The following SLIT3 variants were observed in gnomAD, a reference collection of about 807,000 sequenced individuals.
SLIT3 encodes the protein slit homolog 3 protein.
SLIT3 carries 68 observed loss-of-function variants against 184.0 expected under a neutral mutation model. The observed-to-expected ratio is 0.37, with a 90% confidence interval of 0.30 to 0.45. The LOEUF (loss-of-function observed/expected upper bound fraction) is 0.45, where lower values mean the gene tolerates loss of function less well. Ranked by LOEUF, SLIT3 falls within the 20% of genes least tolerant of loss-of-function variation. The pLI is 1.00. For missense variants in SLIT3, 1,707 were observed against 2,026.0 expected (o/e 0.84, Z 3.02); for synonymous variants, 831 against 828.6 (o/e 1.00, Z -0.05).
chr5:168,925,640 G>A (rs1401444185), intron 4 of SLIT3, among the ~76,000 whole-genome samples: 2 of 150,502 alleles, frequency 1.3e-5, no homozygotes, highest in African/African-American at 4.9e-5. Context: ...TATTGAGTAA[G>A]GCAATCTGTA....
chr5:168,708,409 A>C (rs1762442119), intron 25 of SLIT3: 5 of 411,306 alleles, frequency 1.2e-5, no homozygotes, highest in South Asian at 1.1e-4. Flanking sequence ...ATAATTAGAA[A>C]CCCCCTGTGT....
chr5:168,808,895 C>T (rs991903127), intron 8 of SLIT3, among the ~76,000 whole-genome samples: 13 of 152,164 alleles, frequency 8.5e-5, no homozygotes, highest in Admixed American at 5.9e-4. Flanking sequence ...TGGCCTTCCA[C>T]ATCAAAAGGA....
intron 5 of SLIT3, among the ~76,000 whole-genome samples, chr5:168,872,234 T>A (rs148268452): frequency 7.0e-4 from 106 of 152,082 alleles, no homozygotes; most frequent in African/African-American, 2.5e-3. Flanking sequence ...CACTTGAGGG[T>A]TTGGGGGAAT....
chr5:169,072,914 G>T (rs150597079), intron 4 of SLIT3, among the ~76,000 whole-genome samples: 1 of 152,116 alleles, frequency 6.6e-6, no homozygotes, highest in Non-Finnish European at 1.5e-5. Flanking sequence ...AAGGTTGCCC[G>T]CCACTTGCTG....
intron 4 of SLIT3, among the ~76,000 whole-genome samples, chr5:169,125,129 C>T (rs865816501): frequency 6.6e-6 from 1 of 152,110 alleles, no homozygotes; most frequent in Non-Finnish European, 1.5e-5. Flanking sequence ...CTCACTGCAA[C>T]CTCCGACTGC....
rs182528926 is a variant in SLIT3, at chr5:169,000,821, C to T, written c.414-117485G>A. On this transcript the variant is annotated intron_variant, in intron 4 of 35. Coordinates refer to ENST00000519560, the MANE Select transcript of SLIT3 (RefSeq NM_003062.4). ...GGGCTGGCTATTCAATTACAACTGA[C>T]CCGACAACCTATTCTTGAAGCATTA... 5.3e-5 allele frequency among the ~76,000 whole-genome samples: 8 copies of T among 152,276 alleles called. No individual in the cohort carries two copies. The East Asian group carries it at 1.5e-3, about 29-fold the overall frequency.
At chr5:169,282,940 T>C (rs1021898042) in intron 1 of SLIT3, among the ~76,000 whole-genome samples, 8 of 152,276 alleles carry the variant, frequency 5.3e-5, no homozygotes, top group Admixed American at 2.0e-4. Context: ...TAAATCACAC[T>C]CTCTGGGGAT....
chr5:169,075,076 A>T (rs184433035), intron 4 of SLIT3, among the ~76,000 whole-genome samples: 1 of 152,072 alleles, frequency 6.6e-6, no homozygotes, highest in Admixed American at 6.5e-5. Flanking sequence ...CAAGAAGGAG[A>T]GTCAGATATA....
chr5:169,100,122 T>C (rs1032420383), intron 4 of SLIT3, among the ~76,000 whole-genome samples: 2 of 152,264 alleles, frequency 1.3e-5, no homozygotes, highest in Admixed American at 1.3e-4. Context: ...GAGTAGAGTG[T>C]GTGGTCTATA....
At position 168,844,850 on chromosome 5, in the gene SLIT3, C is replaced by T. The variant is rs184048309; in HGVS notation, c.486-195G>A. The T allele has an allele frequency of 3.9e-3, 2,154 of 545,544 alleles. 14 individuals are homozygous for T. Among genetic ancestry groups the T allele is most frequent in the Admixed American group, 6.9e-3 (223 of 32,108 alleles). 33.8% of individuals were successfully genotyped at this position (545,544 alleles called of 1,614,324 possible). A position where few individuals can be genotyped will look rare whatever the true frequency, so the allele number is the denominator to read the frequency against. On this transcript the variant is annotated intron_variant, in intron 5 of 35. Transcript: ENST00000519560. ...TGACTGTCTGAGAGAACTACACAGACGAGCGCACCAAAAGGCTGTCAGGTC... is the reference window on the plus strand; with the variant it reads ...TGACTGTCTGAGAGAACTACACAGATGAGCGCACCAAAAGGCTGTCAGGTC...
At chr5:169,004,168 A>AC (rs1486116375) in intron 4 of SLIT3, among the ~76,000 whole-genome samples, 7 of 152,068 alleles carry the variant, frequency 4.6e-5, no homozygotes, top group Non-Finnish European at 8.8e-5. Context: ...GGAAAAAAAA[A>AC]ACACACACAC....
chr5:169,266,547 C>T (rs553452061), intron 1 of SLIT3, among the ~76,000 whole-genome samples: 1 of 152,206 alleles, frequency 6.6e-6, no homozygotes, highest in East Asian at 1.9e-4. Context: ...GAGGGGTCCC[C>T]CAGAGGAAAG....
At chr5:169,271,653 CTATA>C (rs1041927027) in intron 1 of SLIT3, among the ~76,000 whole-genome samples, 2 of 152,076 alleles carry the variant, frequency 1.3e-5, no homozygotes, top group African/African-American at 4.8e-5. Context: ...CGGGAGTATC[CTATA>C]TATATAGACA....
intron 14 of SLIT3, among the ~76,000 whole-genome samples, chr5:168,762,950 T>C (rs1282207438): frequency 6.6e-6 from 1 of 152,116 alleles, no homozygotes; most frequent in Non-Finnish European, 1.5e-5. Flanking sequence ...TGTGGGCCCT[T>C]ATGCTTTTGG....
intron 3 of SLIT3, among the ~76,000 whole-genome samples, chr5:169,238,776 T>C (rs755680474): frequency 6.6e-6 from 1 of 152,138 alleles, no homozygotes; most frequent in Non-Finnish European, 1.5e-5. Context: ...GCCTCATTTT[T>C]GTTTGAAGAG....
At chr5:168,742,333 G>A (rs975601218) in intron 20 of SLIT3, among the ~76,000 whole-genome samples, 3 of 151,412 alleles carry the variant, frequency 2.0e-5, no homozygotes, top group African/African-American at 7.3e-5. Flanking sequence ...TTTCAGACTG[G>A]AGGGAGCTGG....
At chr5:169,247,453 G>A (rs1765630629) in intron 2 of SLIT3, among the ~76,000 whole-genome samples, 1 of 152,058 alleles carries the variant, frequency 6.6e-6, no homozygotes, top group Admixed American at 6.5e-5. Flanking sequence ...ACCAACTCTA[G>A]GGTATTGTAA....
At chr5:169,236,481 T>TG (rs1765205680) in intron 3 of SLIT3, among the ~76,000 whole-genome samples, 1 of 84,044 alleles carries the variant, frequency 1.2e-5, no homozygotes, top group African/African-American at 3.5e-5. Context: ...TTGTTTTGTT[T>TG]TTTTTTTTTT....
chr5:168,737,489 ACTG>A (rs1269523268), intron 20 of SLIT3, among the ~76,000 whole-genome samples: 2 of 152,176 alleles, frequency 1.3e-5, no homozygotes, highest in Non-Finnish European at 2.9e-5. Flanking sequence ...GCATATGCAC[ACTG>A]CCAGCCTGCT....
Sources: allele counts gnomAD v4.1 joint callset (sites outside exome capture counted in the v4.1 genomes callset), GRCh38; gene constraint gnomAD v4.1.1; transcripts MANE v1.5; gene names NCBI Gene and HGNC (gene_info 2026-07-23, HGNC 2026-07-21).